The following THSD7B variants were observed in gnomAD, a reference collection of about 807,000 sequenced individuals.
The protein encoded by THSD7B is thrombospondin type 1 domain containing 7B, also known as thrombospondin type-1 domain-containing protein 7B.
Under a neutral mutation model 213.6 loss-of-function variants are expected in THSD7B, and 138 were observed. The ratio of observed to expected loss-of-function variants is 0.65; its 90% CI spans 0.56 to 0.74. The LOEUF (loss-of-function observed/expected upper bound fraction) is 0.74. THSD7B is among the 30% of genes least tolerant of loss of function. The probability of loss-of-function intolerance (pLI) is 0.00; values close to 1 mark genes in which losing one functional copy is unlikely to be tolerated. For synonymous variants in THSD7B, 742 were observed against 687.0 expected, an observed-to-expected ratio of 1.08 and a Z score of -1.25; for missense variants, 1,931 against 1,991.5, an observed-to-expected ratio of 0.97 and a Z score of 0.58.
At chr2:136,800,355 A>C (rs1017029203) in intron 1 of THSD7B, among the ~76,000 whole-genome samples, 4 of 151,894 alleles carry the variant, frequency 2.6e-5, no homozygotes, top group African/African-American at 9.7e-5. Context: ...GGCTTTGGCT[A>C]TCTGGACTTG....
chr2:137,266,558 C>G (rs1273421775), intron 10 of THSD7B, among the ~76,000 whole-genome samples: 3 of 152,168 alleles, frequency 2.0e-5, no homozygotes, highest in Non-Finnish European at 2.9e-5. Context: ...TGGAACAATA[C>G]TGGGGCTGTG....
At chr2:136,995,302 G>A (rs566648297) in intron 2 of THSD7B, among the ~76,000 whole-genome samples, 2 of 151,966 alleles carry the variant, frequency 1.3e-5, no homozygotes, top group East Asian at 3.9e-4. Flanking sequence ...CTGGGATAAG[G>A]AGATGGGAAG....
At chr2:137,075,009 G>T (rs1238490226) in intron 3 of THSD7B, among the ~76,000 whole-genome samples, 10 of 152,140 alleles carry the variant, frequency 6.6e-5, no homozygotes, top group Non-Finnish European at 5.9e-5. Flanking sequence ...CTCTCTGGCT[G>T]CTCTTAACAT....
intron 2 of THSD7B, among the ~76,000 whole-genome samples, chr2:136,943,768 C>G (rs1451525705): frequency 1.3e-5 from 2 of 152,070 alleles, no homozygotes; most frequent in Non-Finnish European, 2.9e-5. Context: ...TGATTCTTCT[C>G]TCTTTTCTTC....
intron 1 of THSD7B, among the ~76,000 whole-genome samples, chr2:136,826,796 C>G (rs545168641): frequency 1.3e-5 from 2 of 152,310 alleles, no homozygotes; most frequent in East Asian, 1.9e-4. Flanking sequence ...CTCTGCTACT[C>G]TTCCCAACAC....
At chr2:137,527,837 A>T (rs1037768277) in intron 15 of THSD7B, among the ~76,000 whole-genome samples, 2 of 152,140 alleles carry the variant, frequency 1.3e-5, no homozygotes, top group Non-Finnish European at 2.9e-5. Flanking sequence ...GGAGCAAGCC[A>T]TTTTGCCAGG....
Position 137,217,117 on chromosome 2 carries a change from T to G in THSD7B, c.1724-13927T>G, listed in dbSNP as rs901298531. Among the ~76,000 whole-genome samples the G allele has an allele frequency of 9.9e-5, 15 of 152,156 alleles. 1 individual carries two copies. The highest frequency in any genetic ancestry group is 3.6e-4 in the African/African-American group (15 of 41,438). ...TGGAGGAATTGTATACTGATGGATA[T>G]TACCTCAAGCAAAAGCTAAATAACA... On this transcript the variant is annotated intron_variant, in intron 7 of 27. Transcript: ENST00000409968.
At chr2:137,394,627 A>G (rs1686126769) in intron 12 of THSD7B, among the ~76,000 whole-genome samples, 1 of 137,382 alleles carries the variant, frequency 7.3e-6, no homozygotes, top group Non-Finnish European at 1.6e-5. Context: ...TTGGCTTAGG[A>G]TTGCCTTGGC....
At chr2:137,662,807 C>A (rs953242376) in intron 25 of THSD7B, among the ~76,000 whole-genome samples, 8 of 152,074 alleles carry the variant, frequency 5.3e-5, no homozygotes, top group Non-Finnish European at 1.2e-4. Flanking sequence ...GTAATCCCAG[C>A]ACTTTGGGAA....
chr2:137,483,386 T>A lies in THSD7B; in HGVS notation c.3138+32363T>A, dbSNP rs180977076. On this transcript the variant is annotated intron_variant, in intron 15 of 27. Transcript: ENST00000409968. ...AACCCAAGGGAGCTTGTCTCTAGAG[T>A]CTTAGGTAATACCTCTTCATAACCA... Among the ~76,000 whole-genome samples the A allele has an allele frequency of 1.0e-3, 155 of 152,192 alleles. 1 individual carries two copies. The highest frequency in any genetic ancestry group is 2.6e-3 in the Admixed American group (39 of 15,288).
At chr2:137,642,067 C>A (rs964641548) in intron 20 of THSD7B, among the ~76,000 whole-genome samples, 1 of 152,072 alleles carries the variant, frequency 6.6e-6, no homozygotes, top group African/African-American at 2.4e-5. Context: ...TATTTGTAAT[C>A]CTGGCTTAAA....
intron 1 of THSD7B, among the ~76,000 whole-genome samples, chr2:136,804,285 A>G (rs1291306045): frequency 1.3e-5 from 2 of 152,116 alleles, no homozygotes; most frequent in Admixed American, 6.5e-5. Flanking sequence ...ATTATTTGTG[A>G]AGGTATAATG....
At chr2:137,136,615 A>G (rs1433617622) in intron 5 of THSD7B, among the ~76,000 whole-genome samples, 1 of 152,182 alleles carries the variant, frequency 6.6e-6, no homozygotes, top group South Asian at 2.1e-4. Context: ...TTTTCTAGGA[A>G]CTCTGAGTAT....
intron 10 of THSD7B, among the ~76,000 whole-genome samples, chr2:137,272,006 A>G (rs1398168086): frequency 6.6e-6 from 1 of 152,082 alleles, no homozygotes; most frequent in Non-Finnish European, 1.5e-5. Context: ...CTAAATTCCA[A>G]TTATATATAT....
intron 1 of THSD7B, among the ~76,000 whole-genome samples, chr2:136,834,801 A>C (rs992124980): frequency 2.0e-4 from 30 of 152,312 alleles, no homozygotes; most frequent in Middle Eastern, 6.8e-3. Flanking sequence ...TTATATGGAC[A>C]ATTGACCTCT....
Position 137,590,792 on chromosome 2 carries a change from G to GTTTTTTTT in THSD7B, c.3423+18250_3423+18257dup, listed in dbSNP as rs1215185747. On this transcript the variant is annotated intron_variant, in intron 17 of 27. Coordinates refer to ENST00000409968, the MANE Select transcript of THSD7B (RefSeq NM_001316349.2). ...GCATTTTTCCCTCTGCTTTGAAATAGTTTTTTTTTTTTTTTTTTTTTAGCT... is the reference window on the plus strand; with the variant it reads ...GCATTTTTCCCTCTGCTTTGAAATAGTTTTTTTTTTTTTTTTTTTTTTTTTTTTTAGCT... Among the ~76,000 whole-genome samples, 329 of 88,682 alleles carry GTTTTTTTT rather than the reference G, an allele frequency of 3.7e-3. 26 individuals are homozygous for GTTTTTTTT. The highest frequency in any genetic ancestry group is 0.012 in the African/African-American group (298 of 24,562). 58.2% of individuals were successfully genotyped at this position (88,682 alleles called of 152,430 possible). A position where few individuals can be genotyped will look rare whatever the true frequency, so the allele number is the denominator to read the frequency against.
At chr2:137,391,004 G>GTGT (rs895933330) in intron 12 of THSD7B, among the ~76,000 whole-genome samples, 37 of 151,994 alleles carry the variant, frequency 2.4e-4, no homozygotes, top group African/African-American at 8.7e-4. Context: ...GTGTGTGTGT[G>GTGT]TGTTGTTGTT....
intron 15 of THSD7B, among the ~76,000 whole-genome samples, chr2:137,551,070 A>G (rs1030194428): frequency 1.3e-5 from 2 of 151,982 alleles, no homozygotes; most frequent in African/African-American, 4.8e-5. Flanking sequence ...AGATAAAAAT[A>G]TATAAAGATA....
chr2:137,356,967 GACACACACACACACACACACACAC>G (rs3048465), intron 12 of THSD7B, among the ~76,000 whole-genome samples: 47 of 140,978 alleles, frequency 3.3e-4, no homozygotes, highest in Admixed American at 1.5e-3. Flanking sequence ...CACACACACA[GACACACACACACACACACACACAC>G]ACACACACAC....
Sources: gnomAD v4.1 joint callset for allele counts (sites outside exome capture counted in the v4.1 genomes callset) on GRCh38, gnomAD v4.1.1 for gene constraint, MANE v1.5 for transcripts, NCBI Gene and HGNC (gene_info 2026-07-23, HGNC 2026-07-21) for gene names.